Variants in GPHN observed in about 807,000 individuals in gnomAD.
The protein encoded by GPHN is gephyrin.
Under a neutral mutation model 95.5 loss-of-function variants are expected in GPHN, and 17 were observed. The observed-to-expected ratio is 0.18, with a 90% CI of 0.12 to 0.27. GPHN has a LOEUF of 0.27. Among genes scored for constraint, GPHN ranks in the 10% least tolerant of loss-of-function variants. The pLI is 1.00. For missense variants in GPHN, 660 were observed against 978.1 expected, an observed-to-expected ratio of 0.67 and a Z score of 4.34; for synonymous variants, 320 against 322.5, an observed-to-expected ratio of 0.99 and a Z score of 0.08.
At chr14:66,780,133 G>A (rs1173437024) in intron 3 of GPHN, among the ~76,000 whole-genome samples, 1 of 152,152 alleles carries the variant, frequency 6.6e-6, no homozygotes, top group Non-Finnish European at 1.5e-5. Flanking sequence ...AGTAGATGGT[G>A]TTGCTGTTAA....
chr14:66,592,121 C>T (rs990916077), intron 1 of GPHN, among the ~76,000 whole-genome samples: 4 of 152,112 alleles, frequency 2.6e-5, no homozygotes, highest in African/African-American at 9.7e-5. Context: ...TGAAACTAGA[C>T]TCCTTCCTTA....
the GPHN span, chr14:67,323,615 AATAT>A: frequency 1.2e-3 from 308 of 259,028 alleles, no homozygotes; most frequent in Middle Eastern, 2.8e-3. Context: ...CCCTTAATCT[AATAT>A]ATATATATAT....
At chr14:66,751,514 G>A (rs755870530) in intron 2 of GPHN, among the ~76,000 whole-genome samples, 13 of 151,786 alleles carry the variant, frequency 8.6e-5, no homozygotes, top group Middle Eastern at 3.2e-3. Flanking sequence ...TGTTCATGTC[G>A]TTTGCCCACT....
the GPHN span, among the ~76,000 whole-genome samples, chr14:67,378,763 C>T: frequency 4.6e-5 from 7 of 152,248 alleles, no homozygotes; most frequent in South Asian, 1.4e-3. Flanking sequence ...AGGGACTGTC[C>T]AGATTTAACT....
chr14:66,830,733 C>A (rs926539228), intron 4 of GPHN, among the ~76,000 whole-genome samples: 12 of 152,020 alleles, frequency 7.9e-5, no homozygotes, highest in African/African-American at 2.7e-4. Context: ...GGAAAAGACT[C>A]TGAATTTTAG....
rs534669169 is a variant in GPHN at position 67,163,409 on chromosome 14, A to G, written c.1911-1753A>G. 2.4e-3 allele frequency among the ~76,000 whole-genome samples: 362 copies of G among 152,292 alleles called. 4 individuals are homozygous for G. Among genetic ancestry groups the G allele is most frequent in the African/African-American group, 8.2e-3 (341 of 41,560 alleles). ...TACTATTCTCTGGTTCTCAAACCTAAAACCAGCTTTAATGGTCAAGATGAT... is the reference window on the plus strand; with the variant it reads ...TACTATTCTCTGGTTCTCAAACCTAGAACCAGCTTTAATGGTCAAGATGAT... On this transcript the variant is annotated intron_variant, in intron 19 of 22. Coordinates refer to ENST00000478722, the MANE Select transcript of GPHN (RefSeq NM_020806.5).
the GPHN span, among the ~76,000 whole-genome samples, chr14:67,668,419 G>C: frequency 6.6e-6 from 1 of 152,210 alleles, no homozygotes; most frequent in African/African-American, 2.4e-5. Context: ...ATTGTCTCTA[G>C]TATCATTCAA....
At chr14:66,877,885 A>T (rs546419214) in intron 4 of GPHN, among the ~76,000 whole-genome samples, 1 of 150,946 alleles carries the variant, frequency 6.6e-6, no homozygotes, top group African/African-American at 2.4e-5. Context: ...AAACTACTTT[A>T]ATATGGAACC....
At chr14:67,193,221 TATATATCTCTATATA>T in the GPHN span, among the ~76,000 whole-genome samples, 1 of 139,492 alleles carries the variant, frequency 7.2e-6, no homozygotes, top group Non-Finnish European at 1.6e-5. Context: ...GACATCTATC[TATATATCTCTATATA>T]GACATCTATC....
chr14:67,160,792 A>G (rs1000355152), intron 19 of GPHN, among the ~76,000 whole-genome samples: 4 of 152,228 alleles, frequency 2.6e-5, no homozygotes, highest in Non-Finnish European at 2.9e-5. Context: ...GTATCAAGCT[A>G]GCCCTCCTAA....
chr14:67,286,607 G>C, the GPHN span, among the ~76,000 whole-genome samples: 1 of 151,972 alleles, frequency 6.6e-6, no homozygotes, highest in Non-Finnish European at 1.5e-5. Flanking sequence ...TATAATCCTA[G>C]CACTTTGGGA....
At chr14:67,307,597 T>G in the GPHN span, among the ~76,000 whole-genome samples, 1 of 152,196 alleles carries the variant, frequency 6.6e-6, no homozygotes, top group Non-Finnish European at 1.5e-5. Context: ...GGTATAAAAA[T>G]GTATTAATAA....
chr14:66,748,285 C>G (rs1232604592), intron 2 of GPHN, among the ~76,000 whole-genome samples: 2 of 151,956 alleles, frequency 1.3e-5, no homozygotes, highest in African/African-American at 2.4e-5. Context: ...CACAGGCTTT[C>G]TATGGTATAT....
At chr14:67,203,188 A>G in the GPHN span, 11 of 1,613,970 alleles carry the variant, frequency 6.8e-6, no homozygotes, top group South Asian at 1.1e-5. Context: ...AAGATCCCCA[A>G]TGTGATGCTA....
the GPHN span, among the ~76,000 whole-genome samples, chr14:67,276,579 A>G: frequency 6.6e-6 from 1 of 152,194 alleles, no homozygotes. Context: ...CACTGGAGCT[A>G]TAAAAGTAAG....
chr14:67,303,659 C>G, the GPHN span: 1 of 1,155,580 alleles, frequency 8.7e-7, no homozygotes, highest in Non-Finnish European at 1.3e-6. Flanking sequence ...ACTTCTGTTA[C>G]TGTTTACTGT....
chr14:67,227,440 AAAAAAAAAAAAAAAAG>A, the GPHN span: 1 of 90,576 alleles, frequency 1.1e-5, no homozygotes, highest in Non-Finnish European at 1.9e-5. Flanking sequence ...ATGCTGTCTC[AAAAAAAAAAAAAAAAG>A]AAAAAAAAGA....
chr14:67,712,002 C>G, the GPHN span, among the ~76,000 whole-genome samples: 1 of 152,134 alleles, frequency 6.6e-6, no homozygotes, highest in Non-Finnish European at 1.5e-5. Context: ...TCACTGCAAC[C>G]TCCTCCTCCC....
chr14:66,957,352 C>T (rs1165906651), intron 8 of GPHN, among the ~76,000 whole-genome samples: 3 of 151,694 alleles, frequency 2.0e-5, no homozygotes, highest in Non-Finnish European at 4.4e-5. Flanking sequence ...TGTGTCACCA[C>T]ACCCAGTTAA....
Sources: allele counts gnomAD v4.1 joint callset (sites outside exome capture counted in the v4.1 genomes callset), GRCh38; gene constraint gnomAD v4.1.1; transcripts MANE v1.5; gene names NCBI Gene and HGNC (gene_info 2026-07-23, HGNC 2026-07-21).